FMN1: variants seen among roughly 807,000 people sequenced by gnomAD.
FMN1 encodes formin 1.
In FMN1, 110 loss-of-function variants were observed where a neutral mutation model predicts 132.4. The ratio of observed to expected loss-of-function variants is 0.83; its 90% CI spans 0.71 to 0.97. FMN1 has a LOEUF of 0.97. Among genes scored for constraint, FMN1 ranks in the 50% least tolerant of loss-of-function variants. FMN1 has a pLI of 0.00. For missense variants in FMN1, 1,792 were observed against 1,705.3 expected, an observed-to-expected ratio of 1.05 and a Z score of -0.90; for synonymous variants, 722 against 651.7, an observed-to-expected ratio of 1.11 and a Z score of -1.64.
chr15:32,882,475 C>T lies in FMN1; in HGVS notation c.3835+5697G>A, dbSNP rs138069856. 1.6e-4 allele frequency among the ~76,000 whole-genome samples: 24 copies of T among 152,260 alleles called. No individual in the cohort carries two copies. The East Asian group carries it at 3.9e-3, about 24-fold the overall frequency. ...ATGGTGGAAATGGACACACGCCACACCCTTAACCACATTTATAGACCCTTT... is the reference window on the plus strand; with the variant it reads ...ATGGTGGAAATGGACACACGCCACATCCTTAACCACATTTATAGACCCTTT... On this transcript the variant is annotated intron_variant, in intron 16 of 20. Transcript: ENST00000616417.
intron 7 of FMN1, among the ~76,000 whole-genome samples, chr15:32,991,383 G>C (rs1335496885): frequency 6.6e-6 from 1 of 152,128 alleles, no homozygotes; most frequent in African/African-American, 2.4e-5. Flanking sequence ...TACATCTACT[G>C]CATATTGATT....
At chr15:33,024,668 T>C (rs2141032458) in intron 6 of FMN1, among the ~76,000 whole-genome samples, 1 of 152,288 alleles carries the variant, frequency 6.6e-6, no homozygotes, top group East Asian at 1.9e-4. Flanking sequence ...TTTGACAATA[T>C]CTACCAAATG....
At chr15:33,168,013 G>A (rs1241704465) in intron 3 of FMN1, among the ~76,000 whole-genome samples, 1 of 152,110 alleles carries the variant, frequency 6.6e-6, no homozygotes, top group Non-Finnish European at 1.5e-5. Context: ...GATCCACTAA[G>A]ATCAAACCCG....
chr15:33,143,686 C>T (rs1964097588), intron 4 of FMN1, among the ~76,000 whole-genome samples: 1 of 152,140 alleles, frequency 6.6e-6, no homozygotes, highest in African/African-American at 2.4e-5. Context: ...CTGATTACTC[C>T]TAAGGACAAT....
intron 9 of FMN1, among the ~76,000 whole-genome samples, chr15:32,944,187 T>C (rs1051021664): frequency 2.0e-5 from 3 of 152,226 alleles, no homozygotes; most frequent in Non-Finnish European, 1.5e-5. Flanking sequence ...AAATATGCAA[T>C]TGTTACTTGG....
intron 3 of FMN1, among the ~76,000 whole-genome samples, chr15:33,164,524 C>T (rs924466005): frequency 6.6e-6 from 1 of 152,206 alleles, no homozygotes; most frequent in Non-Finnish European, 1.5e-5. Flanking sequence ...CCAACCCACA[C>T]AGATACCCAG....
Position 32,766,150 on chromosome 15 carries a change from C to T in FMN1, c.*8160G>A, listed in dbSNP as rs1455745597. The T allele has an allele frequency of 6.6e-6, 1 of 152,102 alleles. No homozygotes were observed. Among genetic ancestry groups the T allele is most frequent in the African/African-American group, 2.4e-5 (1 of 41,376 alleles). The allele number at this position is 152,102 out of a possible 1,614,324, so 9.4% of individuals were successfully genotyped here. On this transcript the variant is annotated 3_prime_UTR_variant, in exon 21 of 21. Transcript: ENST00000616417. ...CAGACTGGTCTAATACTTAATTAAACAGAAAAGCCTATGTTTTACCAGGTT... is the reference window on the plus strand; with the variant it reads ...CAGACTGGTCTAATACTTAATTAAATAGAAAAGCCTATGTTTTACCAGGTT...
At chr15:33,144,637 G>GA (rs10606867) in intron 4 of FMN1, among the ~76,000 whole-genome samples, 1,750 of 101,058 alleles carry the variant, frequency 0.017, 21 homozygotes, top group East Asian at 0.039. Context: ...GACTCCGTCT[G>GA]AAAAAAAAAA....
At position 32,804,288 on chromosome 15, in the gene FMN1, G is replaced by C; in HGVS notation, c.3973C>G (p.Gln1325Glu). The change falls in exon 18 of 21, where the codon CAG (glutamine) becomes GAG (glutamate). Residue 1325 changes from glutamine to glutamate, a missense_variant. By Grantham distance (29) the Gln-to-Glu change is conservative. Transcript: ENST00000616417. ...CAAATCAGAGCTGCTTACCTTTTCT[G>C]TGCATTCTCCAAGTGACTTTCTTCC... ...KMEESHLENAQKSFETTVRYF... is the reference protein window; with the variant it reads ...KMEESHLENAEKSFETTVRYF... 6.4e-7 allele frequency: 1 copy of C among 1,567,758 alleles called. No homozygotes were observed. Among genetic ancestry groups the C allele is most frequent in the South Asian group, 1.2e-5 (1 of 85,086 alleles).
At chr15:32,848,716 T>C (rs1277945231) in intron 17 of FMN1, among the ~76,000 whole-genome samples, 1 of 152,060 alleles carries the variant, frequency 6.6e-6, no homozygotes, top group Non-Finnish European at 1.5e-5. Context: ...TATAGAAAAT[T>C]GTTTTTCAAA....
At chr15:33,067,798 G>C in intron 5 of FMN1, 1 of 1,613,936 alleles carries the variant, frequency 6.2e-7, no homozygotes, top group Non-Finnish European at 8.5e-7. Flanking sequence ...ACTTACTCAG[G>C]ATCGACTGAG....
chr15:32,947,525 T>C (rs143170695), intron 9 of FMN1, among the ~76,000 whole-genome samples: 1 of 151,960 alleles, frequency 6.6e-6, no homozygotes, highest in Non-Finnish European at 1.5e-5. Context: ...TGCATGCAAA[T>C]TTTTAGAATA....
chr15:32,854,831 T>C (rs1418290321), intron 17 of FMN1, among the ~76,000 whole-genome samples: 1 of 151,860 alleles, frequency 6.6e-6, no homozygotes, highest in Non-Finnish European at 1.5e-5. Flanking sequence ...GAAGAATTGC[T>C]TGAACCCGGG....
Position 32,965,859 on chromosome 15 carries a change from T to TTTCCAGTGAAGTACATCCATGTATGTG in FMN1, c.2988-1629_2988-1603dup, listed in dbSNP as rs1227907115. ...ATTACCCAACCCAAGGGCTAGAACA[T>TTTCCAGTGAAGTACATCCATGTATGTG]TTCCAGTGAAGTACATCCATGTATG... On this transcript the variant is annotated intron_variant, in intron 8 of 20. Coordinates refer to ENST00000616417, the MANE Select transcript of FMN1 (RefSeq NM_001277313.2). 9.2e-5 allele frequency among the ~76,000 whole-genome samples: 14 copies of TTTCCAGTGAAGTACATCCATGTATGTG among 152,314 alleles called. No individual in the cohort carries two copies. The East Asian group carries it at 2.7e-3, about 29-fold the overall frequency.
At chr15:32,856,214 T>C (rs552413729) in intron 17 of FMN1, among the ~76,000 whole-genome samples, 15 of 152,228 alleles carry the variant, frequency 9.9e-5, no homozygotes, top group South Asian at 2.1e-4. Context: ...AAAAAGCATG[T>C]TGAGATATCC....
chr15:32,836,024 C>T (rs1470870772), intron 17 of FMN1, among the ~76,000 whole-genome samples: 1 of 151,942 alleles, frequency 6.6e-6, no homozygotes, highest in African/African-American at 2.4e-5. Flanking sequence ...CATGGCCCAG[C>T]CAGTTTTTAA....
intron 6 of FMN1, among the ~76,000 whole-genome samples, chr15:33,014,616 A>G (rs1355095616): frequency 2.0e-5 from 3 of 152,218 alleles, no homozygotes; most frequent in African/African-American, 2.4e-5. Flanking sequence ...TAAGGCTCCT[A>G]ACTGGCAGGA....
chr15:33,118,443 A>G (rs1426421124), intron 4 of FMN1, among the ~76,000 whole-genome samples: 2 of 152,210 alleles, frequency 1.3e-5, no homozygotes, highest in African/African-American at 4.8e-5. Flanking sequence ...ACCAGCAAAC[A>G]GAGAAATAGG....
chr15:33,105,257 T>C (rs1029819664), intron 4 of FMN1, among the ~76,000 whole-genome samples: 6 of 152,000 alleles, frequency 3.9e-5, no homozygotes, highest in African/African-American at 1.2e-4. Flanking sequence ...TCCCTCAGAA[T>C]TAGAAACAAA....
Sources: allele counts gnomAD v4.1 joint callset (sites outside exome capture counted in the v4.1 genomes callset), GRCh38; gene constraint gnomAD v4.1.1; transcripts MANE v1.5; gene names NCBI Gene and HGNC (gene_info 2026-07-23, HGNC 2026-07-21).